Variants in ERG observed in about 807,000 individuals in gnomAD.
ERG encodes the protein ETS transcription factor ERG, also known as transcriptional regulator ERG.
ERG carries 9 observed loss-of-function variants against 55.3 expected under a neutral mutation model. The observed-to-expected ratio is 0.16, with a 90% CI of 0.10 to 0.28. ERG has a LOEUF of 0.28. ERG is among the 10% of genes least tolerant of loss of function. ERG has a pLI of 1.00. For missense variants in ERG, 434 were observed against 631.6 expected (o/e 0.69, Z 3.35); for synonymous variants, 223 against 237.3 (o/e 0.94, Z 0.55).
intron 2 of ERG, among the ~76,000 whole-genome samples, chr21:38,551,026 C>A (rs1176435151): frequency 1.3e-5 from 2 of 152,294 alleles, no homozygotes; most frequent in Admixed American, 6.5e-5. Context: ...ACAGAACAAT[C>A]ATTTATTGAG....
At position 38,386,677 on chromosome 21, in the gene ERG, G is replaced by A. The variant is rs554770222; in HGVS notation, c.920-2754C>T. Among the ~76,000 whole-genome samples the A allele has an allele frequency of 6.6e-5, 10 of 152,312 alleles. No homozygotes were observed. The South Asian group carries it at 1.9e-3, about 28-fold the overall frequency. ...CCTAAAAGTGGCTTGGGTCACTCAT[G>A]GGCCAAACCAGGATTTACAAAGAGA... On this transcript the variant is annotated intron_variant, in intron 9 of 9. Transcript: ENST00000288319.
chr21:38,382,599 T>G lies in ERG; in HGVS notation c.*804A>C, dbSNP rs1987500685. On this transcript the variant is annotated 3_prime_UTR_variant, in exon 10 of 10. Coordinates refer to ENST00000288319, the MANE Select transcript of ERG (RefSeq NM_182918.4). ...GAACCCTCGAGTCTCCATAACTCATTGTACACAGTCCCCAAATGTCCTGAG... is the reference window on the plus strand; with the variant it reads ...GAACCCTCGAGTCTCCATAACTCATGGTACACAGTCCCCAAATGTCCTGAG... 12 of 1,066,186 alleles carry G rather than the reference T, an allele frequency of 1.1e-5. No individual in the cohort carries two copies. The highest frequency in any genetic ancestry group is 1.4e-5 in the Non-Finnish European group (12 of 879,614). 66.0% of individuals were successfully genotyped at this position (1,066,186 alleles called of 1,614,324 possible). A position where few individuals can be genotyped will look rare whatever the true frequency, so the allele number is the denominator to read the frequency against.
In ERG at chr21:38,498,474, G is replaced by A. The variant is rs573020255; in HGVS notation, c.-94C>T. On this transcript the variant is annotated 5_prime_UTR_variant, in exon 1 of 10. Transcript: ENST00000288319. The surrounding 1 kb of genome is among the most constrained non-coding windows in gnomAD (Gnocchi z 4.6). ...TAGTTTTGATGAGGTTGTTTAGAGC[G>A]GATGAGATTGTGCTAAGTCTGGGAA... The A allele has an allele frequency of 7.7e-5, 118 of 1,541,586 alleles. 2 individuals carry two copies. In the South Asian group the frequency reaches 1.2e-3, roughly 16 times the overall value.
intron 2 of ERG, among the ~76,000 whole-genome samples, chr21:38,517,239 T>C (rs1001939968): frequency 1.3e-5 from 2 of 151,422 alleles, no homozygotes; most frequent in Non-Finnish European, 3.0e-5. Context: ...ATCCAGAATA[T>C]ACACAAAACT....
intron 2 of ERG, among the ~76,000 whole-genome samples, chr21:38,507,534 G>GTGAATGAA (rs111369699): frequency 0.23 from 34,274 of 150,100 alleles, 4,184 homozygotes; most frequent in Middle Eastern, 0.35. Context: ...TACTGAATGA[G>GTGAATGAA]TGAATGAATG....
chr21:38,647,101 C>G (rs1393380112), intron 1 of ERG, among the ~76,000 whole-genome samples: 1 of 152,158 alleles, frequency 6.6e-6, no homozygotes, highest in East Asian at 1.9e-4. Context: ...AACATGTGGT[C>G]AGCGATTCGG....
At chr21:38,384,844 A>G (rs927885363) in intron 9 of ERG, among the ~76,000 whole-genome samples, 1 of 152,086 alleles carries the variant, frequency 6.6e-6, no homozygotes, top group Non-Finnish European at 1.5e-5. Context: ...GAAAAAAAAA[A>G]AAAAAGCTGG....
In ERG at chr21:38,403,603, C is replaced by T. The variant is rs866324909; in HGVS notation, c.495G>A (p.Gly165=). The stretch of plus-strand genomic sequence containing the variant: ...CCTTGGTCATCTTGCACAGTTCCTT[C>T]CCATCGATGTTCTGGAATAACAAGA... ...VNILLFQNID[G]KELCKMTKDD... is the part of the protein sequence containing the mutation. The change falls in exon 4 of 10, where the codon GGG becomes GGA. Residue 165 remains glycine, a synonymous_variant. Coordinates refer to ENST00000288319, the MANE Select transcript of ERG (RefSeq NM_182918.4). 3 of 1,614,148 alleles carry T rather than the reference C, an allele frequency of 1.9e-6. No individual in the cohort carries two copies. Among genetic ancestry groups the T allele is most frequent in the Non-Finnish European group, 1.7e-6 (2 of 1,179,992 alleles).
intron 1 of ERG, among the ~76,000 whole-genome samples, chr21:38,456,624 T>C (rs1158310876): frequency 6.6e-6 from 1 of 152,148 alleles, no homozygotes; most frequent in Non-Finnish European, 1.5e-5. Flanking sequence ...GGCCACACAC[T>C]GTATAACGCA....
At chr21:38,392,862 T>A (rs2836362) in intron 6 of ERG, among the ~76,000 whole-genome samples, 1 of 152,070 alleles carries the variant, frequency 6.6e-6, no homozygotes, top group Admixed American at 6.5e-5. Flanking sequence ...TTGAGGTCTG[T>A]TCCTAAATCA....
chr21:38,382,047 C>G lies in ERG; in HGVS notation c.*1356G>C. The G allele has an allele frequency of 9.4e-7, 1 of 1,059,484 alleles. No homozygotes were observed. Among genetic ancestry groups the G allele is most frequent in the Non-Finnish European group, 1.1e-6 (1 of 875,464 alleles). 65.6% of individuals were successfully genotyped at this position (1,059,484 alleles called of 1,614,324 possible). ...TATAAATCTGATTTGCCATGCTAGG[C>G]CAAGCTTATTTTATTACATACATTC... On this transcript the variant is annotated 3_prime_UTR_variant, in exon 10 of 10. Coordinates refer to ENST00000288319, the MANE Select transcript of ERG (RefSeq NM_182918.4).
chr21:38,589,991 G>A (rs972267721), intron 1 of ERG, among the ~76,000 whole-genome samples: 4 of 152,100 alleles, frequency 2.6e-5, no homozygotes, highest in African/African-American at 4.8e-5. Context: ...ACGCAGACAC[G>A]CTGAGTATGC....
At chr21:38,453,612 G>A (rs1194791575) in intron 1 of ERG, among the ~76,000 whole-genome samples, 2 of 152,272 alleles carry the variant, frequency 1.3e-5, no homozygotes, top group East Asian at 1.9e-4. Flanking sequence ...GCTGGGTGCA[G>A]TGGCTCACTC....
chr21:38,446,075 C>T (rs1006346320), intron 1 of ERG, among the ~76,000 whole-genome samples: 2 of 151,734 alleles, frequency 1.3e-5, no homozygotes, highest in African/African-American at 2.4e-5. Flanking sequence ...GGGGATTTTG[C>T]GGAAGAGGGA....
At chr21:38,450,102 A>G (rs1458275142) in intron 1 of ERG, among the ~76,000 whole-genome samples, 2 of 152,132 alleles carry the variant, frequency 1.3e-5, no homozygotes, top group Non-Finnish European at 2.9e-5. Flanking sequence ...AAAAAAAAAA[A>G]AATCTTGGTT....
chr21:38,385,729 G>T (rs954003452), intron 9 of ERG, among the ~76,000 whole-genome samples: 1 of 152,148 alleles, frequency 6.6e-6, no homozygotes, highest in Non-Finnish European at 1.5e-5. Context: ...ATCAAGTTTT[G>T]TTGCCTCCAA....
intron 1 of ERG, among the ~76,000 whole-genome samples, chr21:38,614,269 T>C (rs1341505819): frequency 9.2e-5 from 14 of 152,198 alleles, no homozygotes; most frequent in Admixed American, 8.5e-4. Context: ...ATAGCATTAA[T>C]GTCTAGTCAA....
chr21:38,639,151 T>A (rs964246015), intron 1 of ERG, among the ~76,000 whole-genome samples: 1 of 152,020 alleles, frequency 6.6e-6, no homozygotes, highest in African/African-American at 2.4e-5. Context: ...CCCAATGACA[T>A]AGTCAGGTGC....
At chr21:38,476,787 TA>T (rs1471094321) in intron 1 of ERG, among the ~76,000 whole-genome samples, 5 of 152,084 alleles carry the variant, frequency 3.3e-5, no homozygotes, top group African/African-American at 1.2e-4. Flanking sequence ...CAACAACGTT[TA>T]GGGGGAAAAG....
Sources: allele counts gnomAD v4.1 joint callset (sites outside exome capture counted in the v4.1 genomes callset), GRCh38; gene constraint gnomAD v4.1.1; non-coding constraint Gnocchi (gnomAD v3.1); transcripts MANE v1.5; gene names NCBI Gene and HGNC (gene_info 2026-07-23, HGNC 2026-07-21).